CNTN4: variants seen among roughly 807,000 people sequenced by gnomAD.
CNTN4 encodes contactin-4.
CNTN4 carries 77 observed loss-of-function variants against 122.5 expected under a neutral mutation model. The observed-to-expected ratio is 0.63, with a 90% CI of 0.52 to 0.76. The LOEUF (loss-of-function observed/expected upper bound fraction) is 0.76. Ranked by LOEUF, CNTN4 falls within the 30% of genes least tolerant of loss-of-function variation. The pLI is 0.00. For missense variants in CNTN4, 1,256 were observed against 1,259.1 expected (o/e 1.00, Z 0.04); for synonymous variants, 512 against 447.0 (o/e 1.15, Z -1.83).
rs556031982 is a variant in CNTN4 at position 2,916,513 on chromosome 3, T to C, written c.1208-9116T>C. ...AACACATGTTTCAGAGAGCACGGGG[T>C]TGGGGGTAAGGCCATAGATTAACAG... On this transcript the variant is annotated intron_variant, in intron 12 of 24. Transcript: ENST00000418658. 1.4e-3 allele frequency among the ~76,000 whole-genome samples: 210 copies of C among 146,792 alleles called. 3 individuals carry two copies. The highest frequency in any genetic ancestry group is 2.5e-3 in the Non-Finnish European group (169 of 66,764).
At chr3:2,203,775 A>C (rs2149401205) in intron 2 of CNTN4, among the ~76,000 whole-genome samples, 1 of 152,232 alleles carries the variant, frequency 6.6e-6, no homozygotes, top group East Asian at 1.9e-4. Flanking sequence ...ACAACTCCTA[A>C]GAGGTGTGGC....
In CNTN4 at chr3:2,978,558, G is replaced by A. The variant is rs530532331; in HGVS notation, c.1359-9787G>A. Among the ~76,000 whole-genome samples the A allele has an allele frequency of 2.6e-5, 4 of 152,298 alleles. No individual in the cohort carries two copies. In the South Asian group the frequency reaches 8.3e-4, roughly 32 times the overall value. The stretch of plus-strand genomic sequence containing the variant: ...ATATGTCACAATTAGCCAGGAATGG[G>A]CTTTTATATGAAATCATACAATTAT... On this transcript the variant is annotated intron_variant, in intron 13 of 24. Coordinates refer to ENST00000418658, the MANE Select transcript of CNTN4 (RefSeq NM_175607.3).
rs370653933 is a variant in CNTN4 at position 2,804,737 on chromosome 3, C to CTTTTTTTTTTTTTTTT, written c.359-14740_359-14739insTTTTTTTTTTTTTTTT. The stretch of plus-strand genomic sequence containing the variant: ...CAACCACACCCACATATTTTGAGCA[C>CTTTTTTTTTTTTTTTT]TTTTTTTTTGAGACAAGGTCTCTCT... On this transcript the variant is annotated intron_variant, in intron 6 of 24. Transcript: ENST00000418658. Among the ~76,000 whole-genome samples the CTTTTTTTTTTTTTTTT allele has an allele frequency of 4.8e-5, 7 of 144,970 alleles. 1 individual carries two copies. Among genetic ancestry groups the CTTTTTTTTTTTTTTTT allele is most frequent in the East Asian group, 2.3e-4 (1 of 4,276 alleles).
chr3:2,924,323 C>T (rs1218489319), intron 12 of CNTN4, among the ~76,000 whole-genome samples: 1 of 152,002 alleles, frequency 6.6e-6, no homozygotes, highest in African/African-American at 2.4e-5. Flanking sequence ...CCCAAGCCCC[C>T]GCATTCACAT....
At chr3:2,672,946 A>G (rs1020229397) in intron 4 of CNTN4, among the ~76,000 whole-genome samples, 3 of 152,202 alleles carry the variant, frequency 2.0e-5, no homozygotes, top group African/African-American at 4.8e-5. Flanking sequence ...AATCACGTAA[A>G]TAGATAATTG....
intron 3 of CNTN4, among the ~76,000 whole-genome samples, chr3:2,453,836 T>G (rs2048912115): frequency 6.6e-6 from 1 of 152,156 alleles, no homozygotes; most frequent in Non-Finnish European, 1.5e-5. Flanking sequence ...AATTATAGTT[T>G]GGTTAATATG....
At chr3:2,314,338 C>A (rs1000977520) in intron 2 of CNTN4, among the ~76,000 whole-genome samples, 1 of 151,528 alleles carries the variant, frequency 6.6e-6, no homozygotes, top group Non-Finnish European at 1.5e-5. Context: ...AAGGGAGTTT[C>A]GAAAATAACT....
At chr3:2,212,441 G>A (rs568960314) in intron 2 of CNTN4, among the ~76,000 whole-genome samples, 70 of 152,302 alleles carry the variant, frequency 4.6e-4, no homozygotes, top group African/African-American at 1.6e-3. Context: ...ATCGTGGCAG[G>A]AGGCAAATGA....
chr3:2,174,672 G>A (rs992897177), intron 2 of CNTN4, among the ~76,000 whole-genome samples: 1 of 152,156 alleles, frequency 6.6e-6, no homozygotes, highest in African/African-American at 2.4e-5. Flanking sequence ...TTCATTTCAT[G>A]CCAGAAAGGA....
chr3:2,202,684 A>G (rs2038153758), intron 2 of CNTN4, among the ~76,000 whole-genome samples: 1 of 152,094 alleles, frequency 6.6e-6, no homozygotes, highest in South Asian at 2.1e-4. Flanking sequence ...AAGCTTAGTA[A>G]TTTACTTAAG....
chr3:2,617,352 G>T (rs1333313910), intron 4 of CNTN4, among the ~76,000 whole-genome samples: 1 of 147,754 alleles, frequency 6.8e-6, no homozygotes, highest in Non-Finnish European at 1.5e-5. Flanking sequence ...CTTCTCAAAA[G>T]AAGACATTTA....
At chr3:2,428,866 G>A (rs566227454) in intron 3 of CNTN4, among the ~76,000 whole-genome samples, 4 of 152,068 alleles carry the variant, frequency 2.6e-5, no homozygotes, top group Admixed American at 6.5e-5. Flanking sequence ...TGATCGAATC[G>A]GCTACTGAAG....
intron 3 of CNTN4, among the ~76,000 whole-genome samples, chr3:2,498,492 T>C (rs922268508): frequency 1.4e-5 from 2 of 141,642 alleles, no homozygotes; most frequent in Admixed American, 7.7e-5. Context: ...GTTGTTGTTG[T>C]TGGAGACAGG....
chr3:2,685,369 A>G (rs937719399), intron 4 of CNTN4, among the ~76,000 whole-genome samples: 4 of 152,176 alleles, frequency 2.6e-5, no homozygotes, highest in African/African-American at 9.7e-5. Context: ...TTCAAATTCA[A>G]GAATACACGT....
At chr3:2,130,119 C>G (rs1331557457) in intron 2 of CNTN4, among the ~76,000 whole-genome samples, 2 of 152,124 alleles carry the variant, frequency 1.3e-5, no homozygotes, top group African/African-American at 2.4e-5. Context: ...ATGTTATTCT[C>G]ATTTGAATTA....
At position 2,762,863 on chromosome 3, in the gene CNTN4, C is replaced by T. The variant is rs145923862; in HGVS notation, c.358+17166C>T. Among the ~76,000 whole-genome samples, 867 of 151,444 alleles carry T rather than the reference C, an allele frequency of 5.7e-3. 3 individuals carry two copies. The highest frequency in any genetic ancestry group is 0.02 in the African/African-American group (833 of 41,230). On this transcript the variant is annotated intron_variant, in intron 6 of 24. Transcript: ENST00000418658. ...GTTATTTTTTTACTTTTTAATATGG[C>T]CATTCTGACTGGTGTGAGGTGGTAT...
chr3:2,103,218 A>G (rs558437825), intron 2 of CNTN4, among the ~76,000 whole-genome samples: 2 of 146,084 alleles, frequency 1.4e-5, no homozygotes, highest in African/African-American at 2.6e-5. Flanking sequence ...TACTTTTCTT[A>G]TTTAAGCCAC....
At chr3:2,855,329 A>G (rs192149246) in intron 7 of CNTN4, among the ~76,000 whole-genome samples, 139 of 152,280 alleles carry the variant, frequency 9.1e-4, no homozygotes, top group African/African-American at 3.2e-3. Context: ...TTAATCCCAA[A>G]TCTAATTCCA....
At chr3:2,153,555 A>G (rs892845453) in intron 2 of CNTN4, among the ~76,000 whole-genome samples, 21 of 152,176 alleles carry the variant, frequency 1.4e-4, no homozygotes, top group African/African-American at 4.8e-4. Context: ...GATAGAGAGC[A>G]AAGTAACTTT....
Sources: gnomAD v4.1 joint callset for allele counts (sites outside exome capture counted in the v4.1 genomes callset) on GRCh38, gnomAD v4.1.1 for gene constraint, MANE v1.5 for transcripts, NCBI Gene and HGNC (gene_info 2026-07-23, HGNC 2026-07-21) for gene names.